Variants in CACNA2D1 observed in about 807,000 individuals in gnomAD.
CACNA2D1 encodes voltage-dependent calcium channel subunit alpha-2/delta-1.
In CACNA2D1, 53 loss-of-function variants were observed where a neutral mutation model predicts 171.5. The observed-to-expected ratio is 0.31, with a 90% confidence interval of 0.25 to 0.39. The LOEUF (loss-of-function observed/expected upper bound fraction) is 0.39. CACNA2D1 is among the 10% of genes least tolerant of loss of function. CACNA2D1 has a pLI of 1.00. For synonymous variants in CACNA2D1, 442 were observed against 443.1 expected (o/e 1.00, Z 0.03); for missense variants, 903 against 1,299.8 (o/e 0.69, Z 4.69).
At chr7:82,020,328 A>G (rs1801031339) in intron 12 of CACNA2D1, among the ~76,000 whole-genome samples, 1 of 152,174 alleles carries the variant, frequency 6.6e-6, no homozygotes, top group South Asian at 2.1e-4. Flanking sequence ...TTCAGACTGT[A>G]GATTACCATC....
At chr7:82,104,786 C>T (rs557631059) in intron 6 of CACNA2D1, among the ~76,000 whole-genome samples, 20 of 151,974 alleles carry the variant, frequency 1.3e-4, no homozygotes, top group South Asian at 4.1e-4. Context: ...CAGTACGATA[C>T]GATTTAAGAA....
chr7:82,227,775 A>G (rs970719495), intron 3 of CACNA2D1, among the ~76,000 whole-genome samples: 4 of 152,302 alleles, frequency 2.6e-5, no homozygotes, highest in Admixed American at 1.3e-4. Flanking sequence ...TGAATAGTCT[A>G]TATATTTTAT....
intron 6 of CACNA2D1, among the ~76,000 whole-genome samples, chr7:82,106,307 T>A (rs1400115414): frequency 6.6e-6 from 1 of 152,106 alleles, no homozygotes; most frequent in Non-Finnish European, 1.5e-5. Flanking sequence ...CAGTTGTCAA[T>A]CCCTTTTTAA....
intron 4 of CACNA2D1, among the ~76,000 whole-genome samples, chr7:82,168,531 T>C (rs183932421): frequency 1.3e-5 from 2 of 152,136 alleles, no homozygotes; most frequent in African/African-American, 4.8e-5. Context: ...AATATGGTAA[T>C]AGCAAACTTG....
Position 82,359,013 on chromosome 7 carries a change from G to A in CACNA2D1, c.96-9364C>T, listed in dbSNP as rs563573854. ...TAGCTGGGGGAGTGTTCTCATACAT[G>A]AGATTTGTTCCCTGAAGCCTTGAGG... On this transcript the variant is annotated intron_variant, in intron 1 of 38. Transcript: ENST00000356860. Among the ~76,000 whole-genome samples the A allele has an allele frequency of 4.9e-4, 74 of 152,170 alleles. 1 individual carries two copies. The East Asian group carries it at 8.9e-3, about 18-fold the overall frequency.
intron 7 of CACNA2D1, among the ~76,000 whole-genome samples, chr7:82,071,718 C>T (rs1328913656): frequency 2.0e-5 from 3 of 152,152 alleles, no homozygotes; most frequent in African/African-American, 4.8e-5. Flanking sequence ...CCTCCTCCTT[C>T]CTTCTAGTAA....
intron 3 of CACNA2D1, among the ~76,000 whole-genome samples, chr7:82,276,782 T>C (rs1445738609): frequency 4.0e-5 from 6 of 150,266 alleles, no homozygotes; most frequent in Non-Finnish European, 8.9e-5. Flanking sequence ...CAGAGTCTCA[T>C]TCTGTCGCCA....
At chr7:82,301,778 G>A (rs933600270) in intron 3 of CACNA2D1, among the ~76,000 whole-genome samples, 1 of 144,524 alleles carries the variant, frequency 6.9e-6, no homozygotes, top group South Asian at 2.1e-4. Context: ...CACACATAGA[G>A]AGAGAGAGAC....
chr7:82,150,479 A>C (rs1467588704), intron 4 of CACNA2D1, among the ~76,000 whole-genome samples: 1 of 151,846 alleles, frequency 6.6e-6, no homozygotes, highest in Non-Finnish European at 1.5e-5. Flanking sequence ...AGCATGTAAA[A>C]CTGTAAAAAA....
chr7:81,982,495 G>C, intron 24 of CACNA2D1, 72 bp downstream of exon 24: 1 of 837,572 alleles, frequency 1.2e-6, no homozygotes, highest in East Asian at 2.4e-5. Context: ...GAGCAGTCTT[G>C]ACTCAATTCT....
intron 6 of CACNA2D1, among the ~76,000 whole-genome samples, chr7:82,102,317 G>T (rs1812771401): frequency 6.6e-6 from 1 of 151,950 alleles, no homozygotes. Flanking sequence ...AAAAAATCCT[G>T]AGAAGCAGAG....
chr7:82,157,601 A>G (rs3801734), intron 4 of CACNA2D1, among the ~76,000 whole-genome samples: 60,422 of 151,822 alleles, frequency 0.4, 12,260 homozygotes, highest in Middle Eastern at 0.53. Context: ...CAGAAACACC[A>G]ATACTCTTTG....
chr7:82,265,873 C>T (rs1807775580), intron 3 of CACNA2D1, among the ~76,000 whole-genome samples: 1 of 152,014 alleles, frequency 6.6e-6, no homozygotes, highest in Admixed American at 6.6e-5. Context: ...CTCTTAGAAT[C>T]TATATTTTTG....
chr7:82,237,935 ACATTACTACT>A (rs1803802528), intron 3 of CACNA2D1, among the ~76,000 whole-genome samples: 1 of 152,068 alleles, frequency 6.6e-6, no homozygotes, highest in South Asian at 2.1e-4. Flanking sequence ...AATGACATAA[ACATTACTACT>A]CATTACTGTT....
At chr7:82,255,229 T>C (rs2129322009) in intron 3 of CACNA2D1, among the ~76,000 whole-genome samples, 1 of 152,286 alleles carries the variant, frequency 6.6e-6, no homozygotes, top group African/African-American at 2.4e-5. Flanking sequence ...CACACTAAAC[T>C]GCCCCTTCCC....
chr7:82,307,157 A>G (rs1174594566), intron 3 of CACNA2D1, among the ~76,000 whole-genome samples: 2 of 152,014 alleles, frequency 1.3e-5, no homozygotes, highest in Non-Finnish European at 2.9e-5. Flanking sequence ...AGAATTATAT[A>G]ATTCTTTTTT....
intron 3 of CACNA2D1, among the ~76,000 whole-genome samples, chr7:82,324,294 T>A (rs1216417864): frequency 6.7e-6 from 1 of 148,626 alleles, no homozygotes; most frequent in East Asian, 2.0e-4. Context: ...GGAGGTGGAG[T>A]TTGCAGTGAG....
chr7:82,060,538 A>G lies in CACNA2D1; in HGVS notation c.780-11T>C. On this transcript the variant is annotated splice_polypyrimidine_tract_variant and intron_variant, in intron 9 of 38. Coordinates refer to ENST00000356860, the MANE Select transcript of CACNA2D1 (RefSeq NM_000722.4). ...CTAACACTTCCACTCCTAGAAATAGACAAATGGGTCCATACATGTTACTCA... is the reference window on the plus strand; with the variant it reads ...CTAACACTTCCACTCCTAGAAATAGGCAAATGGGTCCATACATGTTACTCA... 1 of 1,507,230 alleles carries G rather than the reference A, an allele frequency of 6.6e-7. No individual in the cohort carries two copies. Among genetic ancestry groups the G allele is most frequent in the Non-Finnish European group, 9.2e-7 (1 of 1,085,054 alleles). The allele number at this position is 1,507,230 out of a possible 1,614,324, so 93.4% of individuals were successfully genotyped here.
At position 82,207,173 on chromosome 7, in the gene CACNA2D1, G is replaced by A. The variant is rs77491615; in HGVS notation, c.295-36564C>T. Among the ~76,000 whole-genome samples the A allele has an allele frequency of 8.6e-3, 1,302 of 152,230 alleles. 21 individuals carry two copies. Among genetic ancestry groups the A allele is most frequent in the African/African-American group, 0.03 (1,236 of 41,526 alleles). On this transcript the variant is annotated intron_variant, in intron 3 of 38. Transcript: ENST00000356860. ...CACCCTCACATATTTTCAAAAACTT[G>A]GGGTGGGGAGCTGGTAGGTGTCAGA... is the stretch of plus-strand genomic sequence containing the variant.
Sources: gnomAD v4.1 joint callset for allele counts (sites outside exome capture counted in the v4.1 genomes callset) on GRCh38, gnomAD v4.1.1 for gene constraint, MANE v1.5 for transcripts, NCBI Gene and HGNC (gene_info 2026-07-23, HGNC 2026-07-21) for gene names.